IGF1R: variants seen among roughly 807,000 people sequenced by gnomAD.
IGF1R encodes insulin-like growth factor 1 receptor.
In IGF1R, 44 loss-of-function variants were observed where a neutral mutation model predicts 144.6. The observed-to-expected ratio is 0.30, with a 90% CI of 0.24 to 0.39. IGF1R has a LOEUF of 0.39. Among genes scored for constraint, IGF1R ranks in the 10% least tolerant of loss-of-function variants. The probability of loss-of-function intolerance (pLI) is 1.00; values close to 1 mark genes in which losing one functional copy is unlikely to be tolerated. For synonymous variants in IGF1R, 795 were observed against 722.8 expected (o/e 1.10, Z -1.60); for missense variants, 1,355 against 1,833.7 (o/e 0.74, Z 4.77).
At chr15:98,694,691 A>G (rs893793183) in intron 1 of IGF1R, among the ~76,000 whole-genome samples, 2 of 152,224 alleles carry the variant, frequency 1.3e-5, no homozygotes, top group Non-Finnish European at 2.9e-5. Context: ...AGAGAAAAAA[A>G]TGTACTTCTC....
At position 98,922,144 on chromosome 15, in the gene IGF1R, G is replaced by A. The variant is rs1482653840; in HGVS notation, c.2202-4G>A. 6.2e-7 allele frequency: 1 copy of A among 1,614,074 alleles called. No individual in the cohort carries two copies. The highest frequency in any genetic ancestry group is 8.5e-7 in the Non-Finnish European group (1 of 1,179,996). ...TAAAAGCCACATTTCTCTCCTCCTTGCAGACCTGAAAGGAAGCGGAGAGAT... is the reference window on the plus strand; with the variant it reads ...TAAAAGCCACATTTCTCTCCTCCTTACAGACCTGAAAGGAAGCGGAGAGAT... On this transcript the variant is annotated splice_polypyrimidine_tract_variant and splice_region_variant and intron_variant, in intron 10 of 20. Transcript: ENST00000650285.
intron 2 of IGF1R, among the ~76,000 whole-genome samples, chr15:98,806,533 T>C (rs894841931): frequency 6.6e-6 from 1 of 151,768 alleles, no homozygotes; most frequent in Non-Finnish European, 1.5e-5. Flanking sequence ...AGACTCTCTC[T>C]CTCATTGGTA....
chr15:98,871,174 G>A (rs1521480), intron 2 of IGF1R, among the ~76,000 whole-genome samples: 28,732 of 152,266 alleles, frequency 0.19, 3,617 homozygotes, highest in East Asian at 0.41. Flanking sequence ...CAGATATTTA[G>A]ACCCAGCTCT....
intron 1 of IGF1R, among the ~76,000 whole-genome samples, chr15:98,653,482 G>A (rs1216883933): frequency 6.6e-6 from 1 of 152,172 alleles, no homozygotes; most frequent in Non-Finnish European, 1.5e-5. Context: ...TCTTTTCTTT[G>A]CAGTTTTATT....
intron 2 of IGF1R, among the ~76,000 whole-genome samples, chr15:98,780,548 T>TC (rs1324547598): frequency 5.1e-4 from 9 of 17,534 alleles, no homozygotes; most frequent in African/African-American, 2.2e-3. Context: ...AAACTCTGTC[T>TC]CAAAAAAAAA....
intron 3 of IGF1R, among the ~76,000 whole-genome samples, chr15:98,894,096 A>G (rs139209527): frequency 6.6e-6 from 1 of 151,206 alleles, no homozygotes; most frequent in Admixed American, 6.6e-5. Flanking sequence ...TTTCTCTTTG[A>G]TAGACTCTGG....
chr15:98,895,367 G>A (rs371437565), intron 3 of IGF1R, among the ~76,000 whole-genome samples: 30 of 152,122 alleles, frequency 2.0e-4, no homozygotes, highest in African/African-American at 6.7e-4. Flanking sequence ...TAACTTTCTC[G>A]TAAATCTTTG....
At chr15:98,939,543 G>C (rs189627538) in intron 18 of IGF1R, among the ~76,000 whole-genome samples, 183 bp downstream of exon 18, 1 of 152,334 alleles carries the variant, frequency 6.6e-6, no homozygotes, top group South Asian at 2.1e-4. Context: ...CGGTCCCAAT[G>C]CTGATAGCTC....
At position 98,963,107 on chromosome 15, in the gene IGF1R, T is replaced by A. The variant is rs1373967839; in HGVS notation, c.*5665T>A. On this transcript the variant is annotated 3_prime_UTR_variant, in exon 21 of 21. Transcript: ENST00000650285. The stretch of plus-strand genomic sequence containing the variant: ...CTAATTAAATGTTTCATTGCATTTT[T>A]GTAAGAACAGAATAATTTTATAAAA... 4.3e-6 allele frequency: 1 copy of A among 233,604 alleles called. No individual in the cohort carries two copies. The highest frequency in any genetic ancestry group is 8.5e-6 in the Non-Finnish European group (1 of 118,052). 14.5% of individuals were successfully genotyped at this position (233,604 alleles called of 1,614,324 possible).
At chr15:98,946,405 A>C (rs2016556001) in intron 19 of IGF1R, among the ~76,000 whole-genome samples, 2 of 152,112 alleles carry the variant, frequency 1.3e-5, no homozygotes, top group Admixed American at 6.5e-5. Context: ...GGGTGATTAG[A>C]GCTGTGCTTG....
chr15:98,655,254 T>C (rs746471274), intron 1 of IGF1R, among the ~76,000 whole-genome samples: 2 of 152,222 alleles, frequency 1.3e-5, no homozygotes, highest in African/African-American at 2.4e-5. Flanking sequence ...ATGTTTTCTT[T>C]TGTTAAATTG....
chr15:98,794,082 T>C (rs1567132356), intron 2 of IGF1R, among the ~76,000 whole-genome samples: 3 of 152,202 alleles, frequency 2.0e-5, no homozygotes, highest in African/African-American at 7.2e-5. Context: ...TGGTCACAAA[T>C]GGCAGTGTCC....
chr15:98,710,618 G>C (rs2053970036), intron 2 of IGF1R, among the ~76,000 whole-genome samples: 1 of 151,426 alleles, frequency 6.6e-6, no homozygotes. Flanking sequence ...GGATATATTA[G>C]ATTAAGTAAA....
At chr15:98,934,682 T>G (rs2715449) in intron 15 of IGF1R, 142 bp from the exon 16 acceptor site, 728,050 of 733,212 alleles carry the variant, frequency 0.99, 361,627 homozygotes, top group East Asian at 1. Context: ...AAAGTTGACA[T>G]CAAGCCATGC....
At chr15:98,680,510 C>T (rs1305024650) in intron 1 of IGF1R, among the ~76,000 whole-genome samples, 1 of 152,122 alleles carries the variant, frequency 6.6e-6, no homozygotes, top group African/African-American at 2.4e-5. Context: ...TCGTGATCCA[C>T]CCACCTCGGC....
intron 19 of IGF1R, among the ~76,000 whole-genome samples, chr15:98,944,169 G>A (rs918202892): frequency 1.3e-5 from 2 of 152,176 alleles, no homozygotes; most frequent in African/African-American, 4.8e-5. Context: ...CCAGGAGCTT[G>A]GAGGTCAGCT....
intron 2 of IGF1R, among the ~76,000 whole-genome samples, chr15:98,831,285 C>T (rs1318758078): frequency 6.6e-6 from 1 of 152,244 alleles, no homozygotes; most frequent in Non-Finnish European, 1.5e-5. Context: ...AAATGAATTT[C>T]TTGCACCCAT....
intron 1 of IGF1R, among the ~76,000 whole-genome samples, chr15:98,676,897 GTTTAT>G (rs938130625): frequency 1.3e-5 from 2 of 151,800 alleles, no homozygotes; most frequent in African/African-American, 4.8e-5. Flanking sequence ...ATTCCCCATT[GTTTAT>G]TTTATATTTT....
At chr15:98,853,990 T>C (rs2011653278) in intron 2 of IGF1R, among the ~76,000 whole-genome samples, 1 of 152,250 alleles carries the variant, frequency 6.6e-6, no homozygotes, top group Admixed American at 6.5e-5. Context: ...TCCAGTTGTC[T>C]GTCTGTGCGC....
Sources: gnomAD v4.1 joint callset for allele counts (sites outside exome capture counted in the v4.1 genomes callset) on GRCh38, gnomAD v4.1.1 for gene constraint, MANE v1.5 for transcripts, NCBI Gene and HGNC (gene_info 2026-07-23, HGNC 2026-07-21) for gene names.